The following CHODL variants were observed in gnomAD, a reference collection of about 807,000 sequenced individuals.
CHODL encodes chondrolectin.
CHODL carries 29 observed loss-of-function variants against 34.5 expected under a neutral mutation model. That is an observed-to-expected ratio of 0.84 (90% confidence interval 0.63 to 1.15). The LOEUF is 1.15. CHODL is among the 50% of genes most tolerant of loss of function. The probability of loss-of-function intolerance (pLI) is 0.00; values close to 1 mark genes in which losing one functional copy is unlikely to be tolerated. For synonymous variants in CHODL, 125 were observed against 116.1 expected (o/e 1.08, Z -0.49); for missense variants, 332 against 332.5 (o/e 1.00, Z 0.01).
At chr21:18,060,284 G>A (rs2064643242) in intron 2 of CHODL, among the ~76,000 whole-genome samples, 1 of 151,842 alleles carries the variant, frequency 6.6e-6, no homozygotes, top group Non-Finnish European at 1.5e-5. Flanking sequence ...GCAAAACCTT[G>A]TCTCTACAAA....
intron 2 of CHODL, among the ~76,000 whole-genome samples, chr21:18,038,353 T>A (rs542120478): frequency 6.6e-6 from 1 of 151,818 alleles, no homozygotes; most frequent in African/African-American, 2.4e-5. Context: ...CTCAGGCATT[T>A]GAATGATCAT....
At chr21:18,230,723 T>C (rs1016264452) in intron 2 of CHODL, among the ~76,000 whole-genome samples, 3 of 152,136 alleles carry the variant, frequency 2.0e-5, no homozygotes, top group African/African-American at 7.2e-5. Context: ...AATATGTCTC[T>C]TAATAGCATC....
chr21:18,174,098 G>GAT (rs10549862), intron 2 of CHODL, among the ~76,000 whole-genome samples: 6 of 94,804 alleles, frequency 6.3e-5, no homozygotes, highest in East Asian at 2.6e-4. Context: ...ACAAATACAG[G>GAT]ATATATATAT....
At chr21:18,153,252 G>A (rs189694711) in intron 2 of CHODL, among the ~76,000 whole-genome samples, 1 of 152,162 alleles carries the variant, frequency 6.6e-6, no homozygotes, top group Admixed American at 6.5e-5. Flanking sequence ...GAGGCTCTGG[G>A]GATAAGTCCA....
intron 2 of CHODL, among the ~76,000 whole-genome samples, chr21:18,142,995 C>A (rs188438594): frequency 6.6e-6 from 1 of 152,182 alleles, no homozygotes; most frequent in Non-Finnish European, 1.5e-5. Context: ...ACATAATGAG[C>A]TATAGTTTAG....
At chr21:18,140,626 G>GA (rs1205493239) in intron 2 of CHODL, among the ~76,000 whole-genome samples, 1 of 151,990 alleles carries the variant, frequency 6.6e-6, no homozygotes, top group African/African-American at 2.4e-5. Context: ...CAGAAAGCTG[G>GA]AAAAAAATAG....
chr21:18,234,198 G>A (rs888535409), intron 2 of CHODL, among the ~76,000 whole-genome samples: 7 of 152,074 alleles, frequency 4.6e-5, no homozygotes, highest in African/African-American at 9.7e-5. Flanking sequence ...CTCTGTGACC[G>A]CCATCAGAGT....
At chr21:18,054,074 C>G (rs1248316544) in intron 2 of CHODL, among the ~76,000 whole-genome samples, 1 of 151,732 alleles carries the variant, frequency 6.6e-6, no homozygotes, top group African/African-American at 2.4e-5. Flanking sequence ...CTGGTACAGG[C>G]TAATATTAAG....
intron 1 of CHODL, among the ~76,000 whole-genome samples, chr21:17,936,105 T>C: frequency 6.6e-6 from 1 of 152,200 alleles, no homozygotes; most frequent in East Asian, 1.9e-4. Flanking sequence ...TTTCTTATTG[T>C]TAGCCAGGAA....
chr21:18,077,043 G>A (rs1294952489), intron 2 of CHODL, among the ~76,000 whole-genome samples: 1 of 152,188 alleles, frequency 6.6e-6, no homozygotes. Context: ...CCCCAGTGGG[G>A]CCAGAATGTG....
chr21:17,951,893 AAATG>A (rs2063460187), intron 1 of CHODL, among the ~76,000 whole-genome samples: 1 of 152,218 alleles, frequency 6.6e-6, no homozygotes, highest in Admixed American at 6.5e-5. Flanking sequence ...AGAAAAGAGA[AAATG>A]AGAGAATAAT....
chr21:18,147,361 G>A, intron 2 of CHODL, among the ~76,000 whole-genome samples: 1 of 152,142 alleles, frequency 6.6e-6, no homozygotes, highest in East Asian at 1.9e-4. Context: ...CCAAGCGCTG[G>A]TGGTCCCCCT....
chr21:18,239,326 C>T (rs963037368), intron 2 of CHODL, among the ~76,000 whole-genome samples: 2 of 152,192 alleles, frequency 1.3e-5, no homozygotes, highest in Admixed American at 6.5e-5. Context: ...GCATTATACA[C>T]ATGTATTTGG....
chr21:18,156,724 T>C (rs2073039269), intron 2 of CHODL, among the ~76,000 whole-genome samples: 2 of 152,146 alleles, frequency 1.3e-5, no homozygotes, highest in South Asian at 4.1e-4. Flanking sequence ...CAACCCAAAC[T>C]TGGGGGCATA....
chr21:17,976,436 A>T (rs1043702895), intron 1 of CHODL, among the ~76,000 whole-genome samples: 1 of 152,166 alleles, frequency 6.6e-6, no homozygotes, highest in Middle Eastern at 3.2e-3. Flanking sequence ...TTAAGGTCAA[A>T]CATAATACTT....
chr21:18,232,072 T>C (rs1033026311), intron 2 of CHODL, among the ~76,000 whole-genome samples: 1 of 152,036 alleles, frequency 6.6e-6, no homozygotes, highest in African/African-American at 2.4e-5. Flanking sequence ...ATCAGACACA[T>C]GCTGTCTTCA....
chr21:18,069,610 A>T (rs1289148912), intron 2 of CHODL, among the ~76,000 whole-genome samples: 1 of 151,946 alleles, frequency 6.6e-6, no homozygotes, highest in African/African-American at 2.4e-5. Context: ...TGCGTCCAAG[A>T]GTGGTTTGGG....
At chr21:18,241,063 C>G (rs79492496), upstream of CHODL, among the ~76,000 whole-genome samples, 975 of 152,194 alleles carry the variant, frequency 6.4e-3, 11 homozygotes, top group African/African-American at 0.022. Flanking sequence ...GTCATGTATT[C>G]TACAGCATAG....
At chr21:18,139,851 C>T (rs983423547) in intron 2 of CHODL, among the ~76,000 whole-genome samples, 1 of 152,028 alleles carries the variant, frequency 6.6e-6, no homozygotes, top group African/African-American at 2.4e-5. Flanking sequence ...AAGTTCATAA[C>T]TGATAGGGAG....
Sources: gnomAD v4.1 joint callset for allele counts (sites outside exome capture counted in the v4.1 genomes callset) on GRCh38, gnomAD v4.1.1 for gene constraint, MANE v1.5 for transcripts, NCBI Gene and HGNC (gene_info 2026-07-23, HGNC 2026-07-21) for gene names.